TBX10: variants seen among roughly 807,000 people sequenced by gnomAD.
The protein encoded by TBX10 is T-box transcription factor 10.
In TBX10, 26 loss-of-function variants were observed where a neutral mutation model predicts 32.4. That is an observed-to-expected ratio of 0.80 (90% confidence interval 0.59 to 1.11). TBX10 has a LOEUF of 1.11. Among genes scored for constraint, TBX10 ranks in the 50% most tolerant of loss-of-function variants. The probability of loss-of-function intolerance (pLI) is 0.00; values close to 1 mark genes in which losing one functional copy is unlikely to be tolerated. For synonymous variants in TBX10, 195 were observed against 203.1 expected (o/e 0.96, Z 0.34); for missense variants, 490 against 494.5 (o/e 0.99, Z 0.09).
chr11:67,634,740 T>C, intron 3 of TBX10, 76 bp downstream of exon 3: 2 of 1,462,832 alleles, frequency 1.4e-6, no homozygotes, highest in South Asian at 2.3e-5. Context: ...CTGCCTCACC[T>C]TGGGGTGCAG....
chr11:67,635,632 G>A (rs1855317544), intron 1 of TBX10, among the ~76,000 whole-genome samples: 1 of 151,452 alleles, frequency 6.6e-6, no homozygotes, highest in African/African-American at 2.4e-5. Flanking sequence ...CATGCACAGG[G>A]GCTGGTGCAC....
intron 1 of TBX10, among the ~76,000 whole-genome samples, 188 bp downstream of exon 1, chr11:67,639,278 A>G (rs1418853789): frequency 6.6e-6 from 1 of 152,158 alleles, no homozygotes; most frequent in Non-Finnish European, 1.5e-5. Flanking sequence ...GGCATCTCCC[A>G]TAATTGCACT....
intron 1 of TBX10, among the ~76,000 whole-genome samples, chr11:67,636,244 G>A (rs1215959321): frequency 1.0e-5 from 1 of 99,440 alleles, no homozygotes; most frequent in African/African-American, 2.8e-5. Flanking sequence ...ACCACACACG[G>A]CTACTTTTTT....
intron 1 of TBX10, among the ~76,000 whole-genome samples, chr11:67,636,488 A>G (rs544271368): frequency 1.4e-5 from 2 of 147,078 alleles, no homozygotes; most frequent in East Asian, 4.0e-4. Context: ...GAATTACTAT[A>G]TATGTATATA....
chr11:67,637,973 C>T (rs914071562), intron 1 of TBX10, among the ~76,000 whole-genome samples: 2 of 152,078 alleles, frequency 1.3e-5, no homozygotes, highest in African/African-American at 4.8e-5. Context: ...TTTGGGAGGC[C>T]GAGGCGGGTA....
intron 4 of TBX10, 65 bp downstream of exon 4, chr11:67,634,124 G>T (rs1012407473): frequency 4.4e-6 from 7 of 1,599,336 alleles, no homozygotes; most frequent in Non-Finnish European, 5.1e-6. Context: ...AAGGCCATTG[G>T]ACACCAAAGT....
chr11:67,638,682 C>T (rs1031118328), intron 1 of TBX10, among the ~76,000 whole-genome samples: 5 of 152,172 alleles, frequency 3.3e-5, no homozygotes, highest in Admixed American at 2.0e-4. Context: ...CTGAGAGCTG[C>T]GTGCAAAGGC....
Position 67,634,829 on chromosome 11 carries a change from C to A in TBX10, c.364G>T (p.Asp122Tyr). 1 of 1,613,514 alleles carries A rather than the reference C, an allele frequency of 6.2e-7. No individual in the cohort carries two copies. The highest frequency in any genetic ancestry group is 2.2e-5 in the East Asian group (1 of 44,890). ...CGGTCCCCGCACCTGTATCTCTTGT[C>A]GTCCAGGGGGATGAAGTCCATGAGC... ...ALLMDFIPLDDKRYRYAFHSS... is the reference protein window; with the variant it reads ...ALLMDFIPLDYKRYRYAFHSS... Residue 122 changes from aspartate to tyrosine, a missense_variant, in exon 3 of 8, where the codon GAC (aspartate) becomes TAC (tyrosine). By Grantham distance (160) the Asp-to-Tyr change is radical (BLOSUM62 -3). This residue lies in a region of TBX10 where 307 missense variants were observed against 294.9 expected (regional missense o/e 1.04). Coordinates refer to ENST00000335385, the MANE Select transcript of TBX10 (RefSeq NM_005995.5).
chr11:67,634,335 G>A lies in TBX10; in HGVS notation c.403C>T (p.Leu135=). The change falls in exon 4 of 8, where the codon CTG becomes TTG. Residue 135 remains leucine, a synonymous_variant. Coordinates refer to ENST00000335385, the MANE Select transcript of TBX10 (RefSeq NM_005995.5). ...GCTGGGTCTGCCTTGCCCGCCACCAGCCAGGCCGAGCTGTGGAAGGCATAC... is the reference window on the plus strand; with the variant it reads ...GCTGGGTCTGCCTTGCCCGCCACCAACCAGGCCGAGCTGTGGAAGGCATAC... The part of the protein sequence containing the change: ...YRYAFHSSAW[L]VAGKADPATP... The A allele has an allele frequency of 6.2e-7, 1 of 1,605,246 alleles. No homozygotes were observed.
At chr11:67,632,041 T>A (rs1390639687) in intron 7 of TBX10, 147 bp from the exon 8 acceptor site, 1 of 1,237,032 alleles carries the variant, frequency 8.1e-7, no homozygotes, top group Non-Finnish European at 1.1e-6. Context: ...TGGAATTTCT[T>A]CTTCACCTTC....
intron 5 of TBX10, 72 bp from the exon 6 acceptor site, chr11:67,632,742 G>A: frequency 6.3e-7 from 1 of 1,589,732 alleles, no homozygotes; most frequent in Non-Finnish European, 8.6e-7. Context: ...CCGGGAACCG[G>A]CAGTCAGGAG....
chr11:67,631,949 C>T, intron 7 of TBX10, 55 bp from the exon 8 acceptor site: 4 of 1,550,096 alleles, frequency 2.6e-6, no homozygotes, highest in Non-Finnish European at 2.6e-6. Flanking sequence ...CATCCCTCAT[C>T]CCAGGCCTGC....
At chr11:67,639,393 T>TGGCC in intron 1 of TBX10, 73 bp downstream of exon 1, 1 of 726,922 alleles carries the variant, frequency 1.4e-6, no homozygotes, top group Non-Finnish European at 2.5e-6. Context: ...CTGTCTTGGT[T>TGGCC]CCCACCCTGC....
rs149687427 is a variant in TBX10 at position 67,639,109 on chromosome 11, T to C, written c.7+357A>G. Among the ~76,000 whole-genome samples, 184 of 152,306 alleles carry C rather than the reference T, an allele frequency of 1.2e-3. 3 individuals are homozygous for C. The highest frequency in any genetic ancestry group is 4.3e-3 in the African/African-American group (178 of 41,568). ...GCCAGCATTCCTCAGGGCCCAGAGA[T>C]GACAGCTTGCCAGAAGCATCGAGTG... On this transcript the variant is annotated intron_variant, in intron 1 of 7. Coordinates refer to ENST00000335385, the MANE Select transcript of TBX10 (RefSeq NM_005995.5).
chr11:67,638,907 T>A (rs892449205), intron 1 of TBX10, among the ~76,000 whole-genome samples: 1 of 151,882 alleles, frequency 6.6e-6, no homozygotes, highest in Non-Finnish European at 1.5e-5. Context: ...TCCATGGCAA[T>A]GGGTCCCAAG....
At position 67,635,121 on chromosome 11, in the gene TBX10, G is replaced by A. The variant is rs763576579; in HGVS notation, c.150C>T (p.Ala50=). 7 of 1,613,798 alleles carry A rather than the reference G, an allele frequency of 4.3e-6. No homozygotes were observed. The highest frequency in any genetic ancestry group is 2.2e-5 in the South Asian group (2 of 91,084). The part of the protein sequence containing the change: ...CTSSTGAQAV[A]EPTGQGPKNP... ...TCTTGGGGCCCTGCCCAGTGGGCTCGGCCACAGCTTGGGCCCCAGTAGAGC... is the reference window on the plus strand; with the variant it reads ...TCTTGGGGCCCTGCCCAGTGGGCTCAGCCACAGCTTGGGCCCCAGTAGAGC... The change falls in exon 2 of 8, where the codon GCC becomes GCT. Residue 50 remains alanine, a synonymous_variant. Coordinates refer to ENST00000335385, the MANE Select transcript of TBX10 (RefSeq NM_005995.5).
chr11:67,639,411 C>A, intron 1 of TBX10, 55 bp downstream of exon 1: 1 of 1,575,044 alleles, frequency 6.3e-7, no homozygotes. Flanking sequence ...TGCCCACCCA[C>A]CCTGGAACCT....
chr11:67,635,032 TG>T lies in TBX10; in HGVS notation c.238del (p.Gln80SerfsTer6). 1 of 1,613,758 alleles carries T rather than the reference TG, an allele frequency of 6.2e-7. No homozygotes were observed. The highest frequency in any genetic ancestry group is 2.2e-5 in the East Asian group (1 of 44,890). On this transcript the variant is annotated frameshift_variant, in exon 2 of 8. Transcript: ENST00000335385. LOFTEE classifies it high-confidence loss of function. ...EMKPLWEEFN[Q>X]LGTEMIVTKA... ...GGTGACGATCATCTCAGTGCCCAGC[TG>T]GTTGAATTCCTCCCACAGAGGCTTC... is the stretch of plus-strand genomic sequence containing the variant.
rs1427470029 is a variant in TBX10 at position 67,632,421 on chromosome 11, G to A, written c.774-9C>T. On this transcript the variant is annotated splice_polypyrimidine_tract_variant and intron_variant, in intron 6 of 7. Coordinates refer to ENST00000335385, the MANE Select transcript of TBX10 (RefSeq NM_005995.5). The stretch of plus-strand genomic sequence containing the variant: ...GCCGTGGGGCCACAGGCCTGAAAGA[G>A]CAAGCGAGAATGGGGGGAGGGGATC... 5 of 1,609,172 alleles carry A rather than the reference G, an allele frequency of 3.1e-6. No homozygotes were observed. The highest frequency in any genetic ancestry group is 1.7e-6 in the Non-Finnish European group (2 of 1,177,676).
Sources: gnomAD v4.1 joint callset for allele counts (sites outside exome capture counted in the v4.1 genomes callset) on GRCh38, gnomAD v4.1.1 for gene constraint, gnomAD v4.1.1 regional missense constraint, MANE v1.5 for transcripts, NCBI Gene and HGNC (gene_info 2026-07-23, HGNC 2026-07-21) for gene names.